Variants in NIT2 observed in about 807,000 individuals in gnomAD.
NIT2 encodes the protein omega-amidase NIT2.
Under a neutral mutation model 42.7 loss-of-function variants are expected in NIT2, and 46 were observed. The ratio of observed to expected loss-of-function variants is 1.08; its 90% CI spans 0.85 to 1.38. NIT2 has a LOEUF of 1.38. NIT2 is among the 40% of genes most tolerant of loss of function. The pLI is 0.00. For synonymous variants in NIT2, 123 were observed against 121.9 expected (o/e 1.01, Z -0.06); for missense variants, 309 against 342.5 (o/e 0.90, Z 0.77).
intron 1 of NIT2, 80 bp from the exon 2 acceptor site, chr3:100,339,007 T>G (rs1202756773): frequency 2.0e-6 from 2 of 995,374 alleles, no homozygotes. Context: ...CATAACTGCC[T>G]TCCATTTGAG....
At chr3:100,336,292 G>A (rs1222495073) in intron 1 of NIT2, among the ~76,000 whole-genome samples, 1 of 152,222 alleles carries the variant, frequency 6.6e-6, no homozygotes, top group Non-Finnish European at 1.5e-5. Context: ...TGGAGCAGAG[G>A]TGGGATGGGA....
At chr3:100,353,933 G>A (rs950098824) in intron 8 of NIT2, among the ~76,000 whole-genome samples, 11 of 151,996 alleles carry the variant, frequency 7.2e-5, no homozygotes, top group African/African-American at 9.7e-5. Flanking sequence ...ACACCACCAC[G>A]CCCAGATAAT....
Position 100,355,902 on chromosome 3 carries a change from A to G in NIT2, c.*634A>G, listed in dbSNP as rs1238817621. On this transcript the variant is annotated 3_prime_UTR_variant, in exon 10 of 10. Coordinates refer to ENST00000394140, the MANE Select transcript of NIT2 (RefSeq NM_020202.5). ...GCAGTGGTGGCATTTAGTGAAGACA[A>G]TTTAGTATGAATGTCTGCAAAAGAT... 2 of 152,240 alleles carry G rather than the reference A, an allele frequency of 1.3e-5. No individual in the cohort carries two copies. Among genetic ancestry groups the G allele is most frequent in the Non-Finnish European group, 1.5e-5 (1 of 68,058 alleles). The allele number at this position is 152,240 out of a possible 1,614,324, so 9.4% of individuals were successfully genotyped here. A position where few individuals can be genotyped will look rare whatever the true frequency, so the allele number is the denominator to read the frequency against.
At chr3:100,336,640 T>G (rs916574392) in intron 1 of NIT2, among the ~76,000 whole-genome samples, 1 of 152,220 alleles carries the variant, frequency 6.6e-6, no homozygotes, top group Non-Finnish European at 1.5e-5. Context: ...GCTTTAGATA[T>G]GCATACACAT....
chr3:100,341,195 C>T (rs754059496), intron 4 of NIT2, 34 bp downstream of exon 4: 1 of 1,497,766 alleles, frequency 6.7e-7, no homozygotes, highest in Admixed American at 1.7e-5. Flanking sequence ...AATTTGTTAT[C>T]TCTAAGCCAG....
At chr3:100,341,512 G>T (rs1706152477) in intron 4 of NIT2, among the ~76,000 whole-genome samples, 1 of 151,850 alleles carries the variant, frequency 6.6e-6, no homozygotes, top group Non-Finnish European at 1.5e-5. Context: ...GGGACTACAG[G>T]TGCCCACCAC....
rs1204996054 is a variant in NIT2 at position 100,359,281 on chromosome 3, ATGT to A, written c.*4017_*4019del. On this transcript the variant is annotated 3_prime_UTR_variant, in exon 10 of 10. Coordinates refer to ENST00000394140, the MANE Select transcript of NIT2 (RefSeq NM_020202.5). ...GGTGGGCAGGGTCCAGTAATTCCAA[ATGT>A]TGTCATCCTAGCTCTTCCTGAAGCA... 1.3e-5 allele frequency: 2 copies of A among 152,206 alleles called. No individual in the cohort carries two copies. The highest frequency in any genetic ancestry group is 2.1e-4 in the South Asian group (1 of 4,826). 9.4% of individuals were successfully genotyped at this position (152,206 alleles called of 1,614,324 possible). A position where few individuals can be genotyped will look rare whatever the true frequency, so the allele number is the denominator to read the frequency against.
At chr3:100,341,457 C>T (rs1260933677) in intron 4 of NIT2, among the ~76,000 whole-genome samples, 1 of 152,098 alleles carries the variant, frequency 6.6e-6, no homozygotes, top group African/African-American at 2.4e-5. Context: ...CTAGCTCTGC[C>T]TCCTGGGTTC....
At chr3:100,343,219 G>T (rs577227755) in intron 4 of NIT2, among the ~76,000 whole-genome samples, 2 of 151,630 alleles carry the variant, frequency 1.3e-5, no homozygotes, top group African/African-American at 4.8e-5. Flanking sequence ...TGCCTTCCTT[G>T]GTACTTCTTG....
At position 100,352,545 on chromosome 3, in the gene NIT2, C is replaced by G. The variant is rs372158066; in HGVS notation, c.683+43C>G. The G allele has an allele frequency of 7.8e-5, 117 of 1,500,354 alleles. No individual in the cohort carries two copies. The African/African-American group carries it at 1.6e-3, about 20-fold the overall frequency. The allele number at this position is 1,500,354 out of a possible 1,614,324, so 92.9% of individuals were successfully genotyped here. A position where few individuals can be genotyped will look rare whatever the true frequency, so the allele number is the denominator to read the frequency against. ...AGAATAGGCTCAGTCGGAGCTTGAG[C>G]TTGAGTGGTGGCTCGTTGGCAGATG... On this transcript the variant is annotated intron_variant, in intron 8 of 9. Transcript: ENST00000394140.
rs535752517 is a variant in NIT2 at position 100,359,560 on chromosome 3, A to G, written c.*4292A>G. The stretch of plus-strand genomic sequence containing the variant: ...TAAAGACCGATTTGTAGACCTGTCC[A>G]TGTGGCCTCTCTCAACACCATTGGT... On this transcript the variant is annotated 3_prime_UTR_variant, in exon 10 of 10. Transcript: ENST00000394140. 3 of 152,108 alleles carry G rather than the reference A, an allele frequency of 2.0e-5. No homozygotes were observed. In the East Asian group the frequency reaches 5.8e-4, roughly 29 times the overall value. 9.4% of individuals were successfully genotyped at this position (152,108 alleles called of 1,614,324 possible).
chr3:100,346,000 T>C, intron 5 of NIT2, 181 bp from the exon 6 acceptor site: 2 of 610,906 alleles, frequency 3.3e-6, no homozygotes, highest in South Asian at 3.9e-5. Flanking sequence ...CTGATGTAAA[T>C]GATGTCTTTA....
At chr3:100,337,493 G>A (rs1340812629) in intron 1 of NIT2, among the ~76,000 whole-genome samples, 2 of 152,024 alleles carry the variant, frequency 1.3e-5, no homozygotes, top group Non-Finnish European at 1.5e-5. Context: ...TCACTCTGTC[G>A]TCCAGGCTGG....
chr3:100,350,743 CTT>C (rs2148884199), intron 7 of NIT2, among the ~76,000 whole-genome samples: 1 of 152,286 alleles, frequency 6.6e-6, no homozygotes, highest in South Asian at 2.1e-4. Context: ...AGTAAGGTAA[CTT>C]TGCACAATGT....
intron 7 of NIT2, 74 bp downstream of exon 7, chr3:100,348,955 G>A: frequency 1.6e-6 from 2 of 1,278,264 alleles, no homozygotes; most frequent in Non-Finnish European, 2.3e-6. Context: ...GGGTGGAGGT[G>A]CCAGCCTTCC....
In NIT2 at chr3:100,359,714, A is replaced by G. The variant is rs938119791; in HGVS notation, c.*4446A>G. 1 of 152,136 alleles carries G rather than the reference A, an allele frequency of 6.6e-6. No individual in the cohort carries two copies. Among genetic ancestry groups the G allele is most frequent in the African/African-American group, 2.4e-5 (1 of 41,418 alleles). The allele number at this position is 152,136 out of a possible 1,614,324, so 9.4% of individuals were successfully genotyped here. On this transcript the variant is annotated 3_prime_UTR_variant, in exon 10 of 10. Coordinates refer to ENST00000394140, the MANE Select transcript of NIT2 (RefSeq NM_020202.5). ...GTCCTGAGGAATCTCAGCTACATGC[A>G]TGGTCTTCAATATATGCCGATAATT... is the stretch of plus-strand genomic sequence containing the variant.
At chr3:100,343,795 C>A (rs1706181383) in intron 4 of NIT2, among the ~76,000 whole-genome samples, 1 of 152,146 alleles carries the variant, frequency 6.6e-6, no homozygotes. Flanking sequence ...GATCTGTGTT[C>A]ATTTGATTGC....
At chr3:100,348,987 C>T in intron 7 of NIT2, 106 bp downstream of exon 7, 1 of 877,190 alleles carries the variant, frequency 1.1e-6, no homozygotes. Flanking sequence ...CTGTCCCTGA[C>T]TCAGGATGCC....
chr3:100,341,741 G>C (rs958141892), intron 4 of NIT2, among the ~76,000 whole-genome samples: 1 of 151,352 alleles, frequency 6.6e-6, no homozygotes, highest in African/African-American at 2.4e-5. Context: ...CATCTTTTTA[G>C]TATTAAATGC....
Sources: allele counts gnomAD v4.1 joint callset (sites outside exome capture counted in the v4.1 genomes callset), GRCh38; gene constraint gnomAD v4.1.1; transcripts MANE v1.5; gene names NCBI Gene and HGNC (gene_info 2026-07-23, HGNC 2026-07-21).